ADGRD2: variants seen among roughly 807,000 people sequenced by gnomAD.
ADGRD2 encodes adhesion G protein-coupled receptor D2.
A neutral mutation model predicts 44.4 loss-of-function variants in ADGRD2; 71 were observed. That is an observed-to-expected ratio of 1.60 (90% CI 1.32 to 1.95). The LOEUF is 1.95. ADGRD2 is among the 30% of genes most tolerant of loss of function. ADGRD2 has a pLI of 0.00. For synonymous variants in ADGRD2, 481 were observed against 224.8 expected, an observed-to-expected ratio of 2.14 and a Z score of -10.19; for missense variants, 1,039 against 512.4, an observed-to-expected ratio of 2.03 and a Z score of -9.92.
intron 3 of ADGRD2, 131 bp from the exon 7 acceptor site, chr9:124,453,868 C>T (rs1831558589): frequency 5.0e-6 from 3 of 598,704 alleles, no homozygotes; most frequent in South Asian, 2.0e-5. Context: ...CCCCCGGCCC[C>T]CTTACCCCCA....
chr9:124,462,645 CA>C (rs75530568), intron 10 of ADGRD2, among the ~76,000 whole-genome samples: 7 of 71,082 alleles, frequency 9.8e-5, no homozygotes, highest in African/African-American at 8.8e-4. Context: ...CTAAGTATTA[CA>C]TAAGTTTTGG....
At chr9:124,466,639 G>A (rs571628352) in intron 11 of ADGRD2, 19 of 353,620 alleles carry the variant, frequency 5.4e-5, no homozygotes, top group South Asian at 2.8e-4. Flanking sequence ...GCAAAACCCC[G>A]TCTCTACCAA....
chr9:124,452,512 C>T lies in ADGRD2; in HGVS notation c.73C>T (p.Pro25Ser), dbSNP rs907988309. ...ACCGTCTCTCTTATCGTTTTTAGCC[C>T]CCGTGGCCGCCGGCGAGGTGGTGAA... The change falls in exon 2 of 22, where the codon CCC (proline) becomes TCC (serine). Residue 25 changes from proline (P) to serine (S), a missense_variant and splice_region_variant. Coordinates refer to ENST00000334810, the Ensembl canonical transcript of ADGRD2. The T allele has an allele frequency of 8.4e-6, 6 of 718,426 alleles. No homozygotes were observed. The African/African-American group carries it at 8.7e-5, about 10-fold the overall frequency. The allele number at this position is 718,426 out of a possible 1,614,324, so 44.5% of individuals were successfully genotyped here.
chr9:124,470,394 C>T, intron 16 of ADGRD2, 100 bp from the exon 20 acceptor site: 3 of 624,472 alleles, frequency 4.8e-6, no homozygotes, highest in Admixed American at 2.3e-5. Context: ...CCTCAGCTCC[C>T]ACCCCGCTCC....
In ADGRD2 at chr9:124,454,888, G is replaced by T. The variant is rs1203690334; in HGVS notation, c.1156G>T (p.Ala386Ser). 1 of 712,720 alleles carries T rather than the reference G, an allele frequency of 1.4e-6. No homozygotes were observed. The allele number at this position is 712,720 out of a possible 1,614,324, so 44.1% of individuals were successfully genotyped here. Reference sequence around the variant, plus strand: ...CGAAGTCCATGGGGCCCTGTCCCCAGCGGAGGCCTCCAGCTTCCTGGGCCT... The same window carrying T: ...CGAAGTCCATGGGGCCCTGTCCCCATCGGAGGCCTCCAGCTTCCTGGGCCT... Residue 386 changes from alanine (A) to serine (S), a missense_variant, in exon 6 of 22, where the codon GCG (alanine) becomes TCG (serine). Transcript: ENST00000334810. This position sits in a 1 kb window ranked among gnomAD's most constrained non-coding sequence, Gnocchi z 4.5.
chr9:124,452,510 C>T, exon 2 of ADGRD2: 1 of 718,514 alleles, frequency 1.4e-6, no homozygotes, highest in African/African-American at 1.7e-5. Context: ...TCGTTTTTAG[C>T]CCCCGTGGCC....
At chr9:124,470,676 G>T in intron 17 of ADGRD2, 62 bp downstream of exon 20, 1 of 656,988 alleles carries the variant, frequency 1.5e-6, no homozygotes, top group South Asian at 1.6e-5. Flanking sequence ...CAGAGGGGAC[G>T]ACTAGGGTGT....
intron 17 of ADGRD2, among the ~76,000 whole-genome samples, chr9:124,471,237 CCCT>C (rs1021279016): frequency 3.9e-5 from 6 of 152,042 alleles, no homozygotes; most frequent in Non-Finnish European, 8.8e-5. Context: ...CCTTCCTGGC[CCCT>C]CGTTTTCCCT....
intron 11 of ADGRD2, 144 bp from the exon 15 acceptor site, chr9:124,467,577 T>C: frequency 4.8e-6 from 3 of 620,202 alleles, no homozygotes; most frequent in Non-Finnish European, 8.7e-6. Flanking sequence ...ATGCCTACTG[T>C]GTGCAGGCCT....
intron 12 of ADGRD2, 85 bp downstream of exon 15, chr9:124,467,909 A>G: frequency 1.4e-6 from 1 of 708,564 alleles, no homozygotes; most frequent in South Asian, 1.5e-5. Flanking sequence ...TCGGGTGTCC[A>G]TCCTTGGTCC....
chr9:124,451,376 G>A (rs941529105), upstream of ADGRD2: 3 of 382,152 alleles, frequency 7.9e-6, no homozygotes, highest in Admixed American at 9.2e-5. Flanking sequence ...AGCTCTCCAG[G>A]GCGACAGTGT....
Position 124,452,523 on chromosome 9 carries a change from CG to C in ADGRD2, c.84del (p.Gly29AlafsTer4), listed in dbSNP as rs1348425428. ...TATCGTTTTTAGCCCCCGTGGCCGC[CG>C]GCGAGGTGGTGAAGACTGCAGGTGG... On this transcript the variant is annotated frameshift_variant, in exon 2 of 22. Coordinates refer to ENST00000334810, the Ensembl canonical transcript of ADGRD2. LOFTEE classifies it high-confidence loss of function. The C allele has an allele frequency of 4.2e-6, 3 of 718,424 alleles. No homozygotes were observed. The highest frequency in any genetic ancestry group is 7.8e-6 in the Non-Finnish European group (3 of 385,106). 44.5% of individuals were successfully genotyped at this position (718,424 alleles called of 1,614,324 possible).
intron 21 of ADGRD2, among the ~76,000 whole-genome samples, chr9:124,477,307 C>A (rs7869188): frequency 6.6e-6 from 1 of 152,134 alleles, no homozygotes; most frequent in Non-Finnish European, 1.5e-5. Flanking sequence ...GGGAGCCATG[C>A]GGACCCTGAC....
intron 6 of ADGRD2, 76 bp downstream of exon 9, chr9:124,455,203 G>A (rs1213472072): frequency 3.3e-6 from 2 of 606,476 alleles, no homozygotes; most frequent in Non-Finnish European, 6.0e-6. Flanking sequence ...TTGTGTAGCT[G>A]TGGGGGAGTC....
At position 124,457,664 on chromosome 9, in the gene ADGRD2, T is replaced by C. The variant is rs565789926; in HGVS notation, c.1640+58T>C. 6.0e-5 allele frequency: 33 copies of C among 552,446 alleles called. No homozygotes were observed. The African/African-American group carries it at 6.2e-4, about 10-fold the overall frequency. 34.2% of individuals were successfully genotyped at this position (552,446 alleles called of 1,614,324 possible). A position where few individuals can be genotyped will look rare whatever the true frequency, so the allele number is the denominator to read the frequency against. Reference sequence around the variant, plus strand: ...GTTGGGTTCTGGGTCAAACCTCAGCTCTAACTGTCGCTAGCTGTGCTACTC... The same window carrying C: ...GTTGGGTTCTGGGTCAAACCTCAGCCCTAACTGTCGCTAGCTGTGCTACTC... On this transcript the variant is annotated intron_variant, in intron 8 of 21. Coordinates refer to ENST00000334810, the Ensembl canonical transcript of ADGRD2.
At chr9:124,451,997 G>GCCGGGGGGGGCCCCC, upstream of ADGRD2, 1 of 360,938 alleles carries the variant, frequency 2.8e-6, no homozygotes, top group Non-Finnish European at 5.5e-6. Flanking sequence ...TCCACTGAAT[G>GCCGGGGGGGGCCCCC]CCCCCCTCCC....
intron 7 of ADGRD2, among the ~76,000 whole-genome samples, chr9:124,456,994 C>T (rs898688960): frequency 1.3e-5 from 2 of 152,210 alleles, no homozygotes; most frequent in African/African-American, 4.8e-5. Context: ...CAGTTCCTCC[C>T]GCCTCTGTTA....
exon 8 of ADGRD2, chr9:124,457,501 G>C (rs1487894280): frequency 1.5e-6 from 1 of 671,150 alleles, no homozygotes; most frequent in Admixed American, 2.2e-5. Context: ...ACGCTTGAGG[G>C]AGGCCAGCAC....
Position 124,454,793 on chromosome 9 carries a change from G to GA in ADGRD2, c.1109-49dup, listed in dbSNP as rs1266033367. The GA allele has an allele frequency of 2.2e-5, 14 of 637,508 alleles. No individual in the cohort carries two copies. Among genetic ancestry groups the GA allele is most frequent in the Non-Finnish European group, 3.7e-5 (13 of 349,846 alleles). The allele number at this position is 637,508 out of a possible 1,614,324, so 39.5% of individuals were successfully genotyped here. On this transcript the variant is annotated intron_variant, in intron 5 of 21. Transcript: ENST00000334810. The surrounding 1 kb of genome is among the most constrained non-coding windows in gnomAD (Gnocchi z 4.5). The stretch of plus-strand genomic sequence containing the variant: ...AAAGCCCAAGTGTGGCCCTTGGGGG[G>GA]ATCCCCTCATAACAACCAGACCCAG...
Sources: gnomAD v4.1 joint callset for allele counts (sites outside exome capture counted in the v4.1 genomes callset) on GRCh38, gnomAD v4.1.1 for gene constraint, Gnocchi (gnomAD v3.1) non-coding constraint, MANE v1.5 for transcripts, NCBI Gene and HGNC (gene_info 2026-07-23, HGNC 2026-07-21) for gene names.